XKR9: variants seen among roughly 807,000 people sequenced by gnomAD.
XKR9 encodes XK related 9.
In XKR9, 32 loss-of-function variants were observed where a neutral mutation model predicts 32.0. The observed-to-expected ratio is 1.00, with a 90% CI of 0.76 to 1.34. The LOEUF is 1.34. Among genes scored for constraint, XKR9 ranks in the 40% most tolerant of loss-of-function variants. The probability of loss-of-function intolerance (pLI) is 0.00; values close to 1 mark genes in which losing one functional copy is unlikely to be tolerated. For synonymous variants in XKR9, 168 were observed against 143.4 expected, an observed-to-expected ratio of 1.17 and a Z score of -1.22; for missense variants, 546 against 429.7, an observed-to-expected ratio of 1.27 and a Z score of -2.39.
At chr8:70,826,540 A>G in the XKR9 span, among the ~76,000 whole-genome samples, 1 of 152,128 alleles carries the variant, frequency 6.6e-6, no homozygotes. Flanking sequence ...GAAATTTGCC[A>G]TTTTCTACCC....
At chr8:70,924,171 A>G in the XKR9 span, among the ~76,000 whole-genome samples, 2 of 152,132 alleles carry the variant, frequency 1.3e-5, no homozygotes, top group Admixed American at 1.3e-4. Flanking sequence ...TATGCCACTT[A>G]TTCTCCCTCA....
intron 3 of XKR9, among the ~76,000 whole-genome samples, chr8:70,685,217 T>C (rs1184008132): frequency 1.3e-5 from 2 of 149,936 alleles, no homozygotes; most frequent in Non-Finnish European, 3.0e-5. Context: ...AAATTGGAAA[T>C]CATCATTCTC....
chr8:71,007,143 T>C, the XKR9 span, among the ~76,000 whole-genome samples: 2 of 152,182 alleles, frequency 1.3e-5, no homozygotes, highest in Non-Finnish European at 2.9e-5. Flanking sequence ...CATAGTTGTA[T>C]GTGGGATTAG....
At chr8:70,921,080 T>C in the XKR9 span, among the ~76,000 whole-genome samples, 2 of 152,300 alleles carry the variant, frequency 1.3e-5, no homozygotes, top group Non-Finnish European at 2.9e-5. Context: ...GTTCCATACT[T>C]AATAAATGCA....
Position 70,698,382 on chromosome 8 carries a change from T to G in XKR9, c.273-8551T>G, listed in dbSNP as rs1350136093. 1.6e-4 allele frequency among the ~76,000 whole-genome samples: 24 copies of G among 152,186 alleles called. No individual in the cohort carries two copies. In the South Asian group the frequency reaches 3.7e-3, roughly 24 times the overall value. ...TGTGTCCCAGAGATTCTGGTATGTT[T>G]TGTCTTTGTTCTCATTGGTTTCAAG... On this transcript the variant is annotated intron_variant, in intron 3 of 4. Coordinates refer to ENST00000408926, the MANE Select transcript of XKR9 (RefSeq NM_001011720.2).
chr8:70,902,992 A>G, the XKR9 span, among the ~76,000 whole-genome samples: 2 of 152,174 alleles, frequency 1.3e-5, no homozygotes, highest in Non-Finnish European at 2.9e-5. Flanking sequence ...GATGAAGCCA[A>G]CTTGATCATG....
At chr8:70,811,502 G>A in the XKR9 span, among the ~76,000 whole-genome samples, 5 of 152,166 alleles carry the variant, frequency 3.3e-5, no homozygotes, top group African/African-American at 1.2e-4. Flanking sequence ...GAATCCAGGA[G>A]CTGGTTTTTT....
chr8:70,681,236 T>A lies in XKR9; in HGVS notation c.178T>A (p.Tyr60Asn). The A allele has an allele frequency of 6.2e-7, 1 of 1,613,550 alleles. No homozygotes were observed. Reference protein sequence around the residue: ...FGTLVAQCFSYSWFKADLKKA... With the variant: ...FGTLVAQCFSNSWFKADLKKA... ...AACACTTGTGGCTCAGTGTTTTAGT[T>A]ATTCTTGGTTCAAGGCTGATTTAAA... Residue 60 changes from tyrosine (Y) to asparagine (N), a missense_variant, in exon 3 of 5, where the codon TAT becomes AAT. By Grantham distance (143) the Tyr-to-Asn change is moderately radical. Transcript: ENST00000408926.
chr8:70,799,481 C>T, the XKR9 span, among the ~76,000 whole-genome samples: 2 of 152,072 alleles, frequency 1.3e-5, no homozygotes, highest in African/African-American at 4.8e-5. Flanking sequence ...CTGGTGCGTG[C>T]CACCATGCCC....
the XKR9 span, among the ~76,000 whole-genome samples, chr8:70,883,885 C>T: frequency 1.2e-3 from 182 of 152,202 alleles, 1 homozygote; most frequent in Non-Finnish European, 3.7e-4. Flanking sequence ...GTTTTCAGCT[C>T]ATTTGGGTAA....
the XKR9 span, among the ~76,000 whole-genome samples, chr8:71,062,502 G>T: frequency 0.022 from 3,385 of 152,176 alleles, 96 homozygotes; most frequent in East Asian, 0.12. Context: ...ATACCTTGCG[G>T]GTTGAGATTT....
At chr8:70,680,516 T>G (rs1586806457) in intron 2 of XKR9, among the ~76,000 whole-genome samples, 1 of 152,120 alleles carries the variant, frequency 6.6e-6, no homozygotes, top group Non-Finnish European at 1.5e-5. Flanking sequence ...GTTGAAATAT[T>G]TAGGTTGTTT....
At chr8:70,817,025 A>G in the XKR9 span, among the ~76,000 whole-genome samples, 1 of 152,168 alleles carries the variant, frequency 6.6e-6, no homozygotes, top group Non-Finnish European at 1.5e-5. Context: ...AGAGAAAGAG[A>G]AAACAGAATG....
chr8:70,883,359 T>C, the XKR9 span, among the ~76,000 whole-genome samples: 1 of 152,304 alleles, frequency 6.6e-6, no homozygotes, highest in South Asian at 2.1e-4. Context: ...TACCACATTT[T>C]TTTTTAATCT....
At chr8:70,816,645 A>G in the XKR9 span, among the ~76,000 whole-genome samples, 2 of 152,364 alleles carry the variant, frequency 1.3e-5, no homozygotes, top group East Asian at 1.9e-4. Flanking sequence ...GTCAAATCAT[A>G]TACAAAGTGA....
chr8:70,923,112 A>G, the XKR9 span, among the ~76,000 whole-genome samples: 1 of 152,228 alleles, frequency 6.6e-6, no homozygotes, highest in African/African-American at 2.4e-5. Flanking sequence ...CAGAAGCATC[A>G]CAGCCTGAAG....
At chr8:71,032,152 C>T in the XKR9 span, among the ~76,000 whole-genome samples, 3 of 151,786 alleles carry the variant, frequency 2.0e-5, no homozygotes, top group East Asian at 1.9e-4. Context: ...AAATTGGTGG[C>T]GTGTGCCTGT....
At chr8:70,732,686 C>G (rs907825000) in intron 4 of XKR9, among the ~76,000 whole-genome samples, 1 of 152,134 alleles carries the variant, frequency 6.6e-6, no homozygotes, top group African/African-American at 2.4e-5. Flanking sequence ...AAATCAGTCT[C>G]CAGTAGAGTT....
At chr8:70,738,387 T>A (rs181400890), downstream of XKR9, among the ~76,000 whole-genome samples, 5 of 148,686 alleles carry the variant, frequency 3.4e-5, no homozygotes, top group Non-Finnish European at 7.5e-5. Flanking sequence ...TTGCTAGCGG[T>A]CTATCAATTT....
Sources: allele counts gnomAD v4.1 joint callset (sites outside exome capture counted in the v4.1 genomes callset), GRCh38; gene constraint gnomAD v4.1.1; transcripts MANE v1.5; gene names NCBI Gene and HGNC (gene_info 2026-07-23, HGNC 2026-07-21).